The following KIAA1217 variants were observed in gnomAD, a reference collection of about 807,000 sequenced individuals.
KIAA1217 encodes KIAA1217.
A neutral mutation model predicts 163.9 loss-of-function variants in KIAA1217; 88 were observed. The ratio of observed to expected loss-of-function variants is 0.54; its 90% CI spans 0.45 to 0.64. The LOEUF (loss-of-function observed/expected upper bound fraction) is 0.64, where lower values mean the gene tolerates loss of function less well. Among genes scored for constraint, KIAA1217 ranks in the 30% least tolerant of loss-of-function variants. The probability of loss-of-function intolerance (pLI) is 0.00; values close to 1 mark genes in which losing one functional copy is unlikely to be tolerated. For missense variants in KIAA1217, 2,372 were observed against 2,475.0 expected (o/e 0.96, Z 0.88); for synonymous variants, 903 against 923.1 (o/e 0.98, Z 0.39).
At chr10:23,962,538 G>A (rs541572920) in intron 1 of KIAA1217, among the ~76,000 whole-genome samples, 83 of 152,176 alleles carry the variant, frequency 5.5e-4, no homozygotes, top group South Asian at 1.9e-3. Flanking sequence ...TTATAGCTCC[G>A]ATGAACTTCA....
In KIAA1217 at chr10:24,233,796, G is replaced by T. The variant is rs2071789704; in HGVS notation, c.354+13887G>T. The stretch of plus-strand genomic sequence containing the variant: ...CACATATATATTGGGTTTGTTGATT[G>T]TATTATTCATTTCTTCTCAGTCTTT... On this transcript the variant is annotated intron_variant, in intron 2 of 20. Transcript: ENST00000376454. Among the ~76,000 whole-genome samples the T allele has an allele frequency of 2.0e-5, 3 of 152,072 alleles. No individual in the cohort carries two copies. The South Asian group carries it at 6.2e-4, about 31-fold the overall frequency.
chr10:23,941,556 G>T (rs1843768171), intron 1 of KIAA1217, among the ~76,000 whole-genome samples: 1 of 152,116 alleles, frequency 6.6e-6, no homozygotes, highest in Admixed American at 6.5e-5. Context: ...ATTCATACTG[G>T]TTTGACATGT....
chr10:24,050,080 G>A (rs952097691), intron 2 of KIAA1217, among the ~76,000 whole-genome samples: 6 of 152,124 alleles, frequency 3.9e-5, no homozygotes, highest in Non-Finnish European at 7.4e-5. Flanking sequence ...ATTTTTACAC[G>A]TTTGTTGGCT....
rs1356558762 is a variant in KIAA1217 at position 23,790,243 on chromosome 10, ACATATGCATATG to A, written c.-321+95012_-321+95023del. On this transcript the variant is annotated intron_variant, in intron 1 of 18. Coordinates refer to the KIAA1217 transcript ENST00000376462. ...TATGCATATGCACATATGCATATGC[ACATATGCATATG>A]CACATATGCATATGCACATATGCAT... 1.7e-5 allele frequency among the ~76,000 whole-genome samples: 2 copies of A among 115,036 alleles called. 1 individual carries two copies. Among genetic ancestry groups the A allele is most frequent in the Non-Finnish European group, 3.4e-5 (2 of 58,242 alleles). 75.5% of individuals were successfully genotyped at this position (115,036 alleles called of 152,430 possible).
chr10:24,299,367 T>C (rs2041015874), intron 2 of KIAA1217, among the ~76,000 whole-genome samples: 4 of 152,148 alleles, frequency 2.6e-5, no homozygotes. Flanking sequence ...AATATCACAA[T>C]CCTGTAGCTT....
At chr10:24,172,675 T>C (rs927249904) in intron 2 of KIAA1217, among the ~76,000 whole-genome samples, 3 of 152,166 alleles carry the variant, frequency 2.0e-5, no homozygotes, top group Non-Finnish European at 4.4e-5. Flanking sequence ...AGTACCAACA[T>C]TGAAATAACC....
rs188985554 is a variant in KIAA1217 at position 23,718,423 on chromosome 10, T to C, written c.-321+23189T>C. ...AATTTTGTGTCAGAGGGAAATATTG[T>C]ATAATGAAAGATGTGTCCCAAGTTT... On this transcript the variant is annotated intron_variant, in intron 1 of 18. Coordinates refer to the KIAA1217 transcript ENST00000376462. 2.2e-3 allele frequency among the ~76,000 whole-genome samples: 340 copies of C among 152,342 alleles called. 3 individuals are homozygous for C. The highest frequency in any genetic ancestry group is 2.4e-4 in the Non-Finnish European group (16 of 68,026).
intron 1 of KIAA1217, among the ~76,000 whole-genome samples, chr10:23,768,287 A>G (rs554549413): frequency 2.6e-5 from 4 of 151,062 alleles, no homozygotes; most frequent in East Asian, 1.9e-4. Flanking sequence ...TTCACCCCCA[A>G]TGCTGGACAC....
chr10:24,049,527 AG>A (rs747717325), intron 2 of KIAA1217, among the ~76,000 whole-genome samples: 1 of 152,190 alleles, frequency 6.6e-6, no homozygotes, highest in Non-Finnish European at 1.5e-5. Flanking sequence ...CACTTACATT[AG>A]GTATTTCTAC....
intron 1 of KIAA1217, among the ~76,000 whole-genome samples, chr10:23,976,835 A>G (rs1298995959): frequency 2.0e-5 from 3 of 152,210 alleles, no homozygotes; most frequent in Non-Finnish European, 4.4e-5. Context: ...TCAAGGGAAA[A>G]TTCTTGATGC....
At chr10:23,997,448 A>G (rs1846536334) in intron 1 of KIAA1217, among the ~76,000 whole-genome samples, 1 of 152,150 alleles carries the variant, frequency 6.6e-6, no homozygotes, top group South Asian at 2.1e-4. Context: ...GGAAAAATAT[A>G]TATTGTGGAA....
At chr10:24,199,782 T>G (rs1267300147) in intron 2 of KIAA1217, among the ~76,000 whole-genome samples, 1 of 152,220 alleles carries the variant, frequency 6.6e-6, no homozygotes, top group Non-Finnish European at 1.5e-5. Flanking sequence ...GTGAATGTCC[T>G]GATTTTCATA....
intron 1 of KIAA1217, among the ~76,000 whole-genome samples, chr10:23,813,091 G>A (rs1837149920): frequency 6.6e-6 from 1 of 152,086 alleles, no homozygotes; most frequent in South Asian, 2.1e-4. Context: ...TACATTCTCT[G>A]TAGTACTTGT....
At chr10:24,333,026 G>C (rs554042687) in intron 2 of KIAA1217, among the ~76,000 whole-genome samples, 1 of 152,084 alleles carries the variant, frequency 6.6e-6, no homozygotes, top group Non-Finnish European at 1.5e-5. Context: ...TTTTGTGTGT[G>C]TGTGTTATTT....
At chr10:24,285,746 A>C (rs956359765) in intron 2 of KIAA1217, among the ~76,000 whole-genome samples, 1 of 152,152 alleles carries the variant, frequency 6.6e-6, no homozygotes, top group African/African-American at 2.4e-5. Flanking sequence ...AATGACATTC[A>C]CAATTTGATA....
intron 1 of KIAA1217, among the ~76,000 whole-genome samples, chr10:23,993,894 T>G (rs1846342501): frequency 6.6e-6 from 1 of 152,042 alleles, no homozygotes; most frequent in Admixed American, 6.5e-5. Context: ...GTCCACCTTT[T>G]GTAAGAGATG....
At chr10:23,706,945 G>A (rs769862881) in intron 1 of KIAA1217, among the ~76,000 whole-genome samples, 5 of 152,090 alleles carry the variant, frequency 3.3e-5, no homozygotes, top group African/African-American at 9.7e-5. Flanking sequence ...GACACCAGGC[G>A]GGGACCTGTT....
chr10:24,149,191 T>G (rs1168698511), intron 2 of KIAA1217, among the ~76,000 whole-genome samples: 1 of 152,184 alleles, frequency 6.6e-6, no homozygotes, highest in African/African-American at 2.4e-5. Flanking sequence ...TGTTTTTTGT[T>G]TTTTTAAAGG....
intron 2 of KIAA1217, among the ~76,000 whole-genome samples, chr10:24,139,389 A>G (rs1272148629): frequency 6.6e-6 from 1 of 152,082 alleles, no homozygotes; most frequent in East Asian, 1.9e-4. Context: ...CATATATTGT[A>G]GATTCTGTTT....
Sources: gnomAD v4.1 joint callset for allele counts (sites outside exome capture counted in the v4.1 genomes callset) on GRCh38, gnomAD v4.1.1 for gene constraint, MANE v1.5 for transcripts, NCBI Gene and HGNC (gene_info 2026-07-23, HGNC 2026-07-21) for gene names.